The following MPPED2 variants were observed in gnomAD, a reference collection of about 807,000 sequenced individuals.
MPPED2 encodes the protein metallophosphoesterase MPPED2.
Under a neutral mutation model 33.0 loss-of-function variants are expected in MPPED2, and 5 were observed. The observed-to-expected ratio is 0.15, with a 90% CI of 0.08 to 0.32. The LOEUF (loss-of-function observed/expected upper bound fraction) is 0.32. Among genes scored for constraint, MPPED2 ranks in the 10% least tolerant of loss-of-function variants. The pLI, the probability that MPPED2 is intolerant of heterozygous loss-of-function variation, is 1.00. For missense variants in MPPED2, 275 were observed against 372.1 expected (o/e 0.74, Z 2.15); for synonymous variants, 136 against 141.9 (o/e 0.96, Z 0.29).
chr11:30,501,136 A>G (rs957897934), intron 3 of MPPED2, among the ~76,000 whole-genome samples: 2 of 152,064 alleles, frequency 1.3e-5, no homozygotes, highest in African/African-American at 4.8e-5. Flanking sequence ...AGTTTCTGAC[A>G]CTCTATATTC....
chr11:30,572,906 C>T (rs967755836), intron 2 of MPPED2, among the ~76,000 whole-genome samples: 28 of 152,106 alleles, frequency 1.8e-4, no homozygotes, highest in Admixed American at 8.5e-4. Flanking sequence ...AGGAGAAATC[C>T]CAGACTGTTA....
At chr11:30,541,995 T>C (rs1955147684) in intron 2 of MPPED2, among the ~76,000 whole-genome samples, 1 of 152,242 alleles carries the variant, frequency 6.6e-6, no homozygotes, top group South Asian at 2.1e-4. Flanking sequence ...TGTGATGTTC[T>C]ATCATCCAAC....
chr11:30,417,801 C>G lies in MPPED2; in HGVS notation c.537-168G>C, dbSNP rs180992871. Among the ~76,000 whole-genome samples, 629 of 152,264 alleles carry G rather than the reference C, an allele frequency of 4.1e-3. 7 individuals are homozygous for G. The highest frequency in any genetic ancestry group is 0.014 in the African/African-American group (598 of 41,538). ...TTTGTTGACTGCTTCAAAACCAATC[C>G]ATTTGAAAGTAAGCGTGGAGCCTAC... is the stretch of plus-strand genomic sequence containing the variant. On this transcript the variant is annotated intron_variant, in intron 4 of 6. Transcript: ENST00000358117.
chr11:30,507,397 G>A (rs1026479), intron 3 of MPPED2, among the ~76,000 whole-genome samples: 36,031 of 152,072 alleles, frequency 0.24, 4,667 homozygotes, highest in East Asian at 0.45. Context: ...AAGTGCCTAC[G>A]AAAGGGGATA....
chr11:30,493,215 C>CA (rs1952067756), intron 4 of MPPED2, among the ~76,000 whole-genome samples: 1 of 151,806 alleles, frequency 6.6e-6, no homozygotes, highest in Admixed American at 6.6e-5. Flanking sequence ...ACTAAAAATA[C>CA]AAAAAATTAG....
intron 4 of MPPED2, among the ~76,000 whole-genome samples, chr11:30,448,420 A>G (rs1026104028): frequency 6.6e-6 from 1 of 151,884 alleles, no homozygotes; most frequent in African/African-American, 2.4e-5. Context: ...TAGAAGCCTC[A>G]CTCCCTATCT....
intron 4 of MPPED2, among the ~76,000 whole-genome samples, chr11:30,480,590 A>G (rs1385414406): frequency 6.6e-6 from 1 of 152,150 alleles, no homozygotes; most frequent in East Asian, 1.9e-4. Context: ...ATCACTGATG[A>G]CAAATTTAAT....
chr11:30,421,795 AG>A (rs1948628885), intron 4 of MPPED2, among the ~76,000 whole-genome samples: 1 of 152,202 alleles, frequency 6.6e-6, no homozygotes, highest in South Asian at 2.1e-4. Context: ...TGCTCCATAC[AG>A]AATCTTAGTC....
chr11:30,507,911 T>C (rs1396421062), intron 3 of MPPED2, among the ~76,000 whole-genome samples: 2 of 152,212 alleles, frequency 1.3e-5, no homozygotes, highest in African/African-American at 2.4e-5. Flanking sequence ...AATTCCATCA[T>C]GGCCCTTGGT....
Position 30,553,697 on chromosome 11 carries a change from A to G in MPPED2, c.129-17522T>C, listed in dbSNP as rs140935770. Among the ~76,000 whole-genome samples the G allele has an allele frequency of 2.0e-5, 3 of 152,290 alleles. No homozygotes were observed. The East Asian group carries it at 5.8e-4, about 29-fold the overall frequency. On this transcript the variant is annotated intron_variant, in intron 2 of 6. Coordinates refer to ENST00000358117, the MANE Select transcript of MPPED2 (RefSeq NM_001584.3). ...TTAATGGAAAACAATGGGCTTTGTC[A>G]GGATAAGAGCTGGGCCTGAATTCTG...
exon 7 of MPPED2, chr11:30,386,915 G>C (rs998850941): frequency 2.5e-6 from 1 of 395,742 alleles, no homozygotes. Flanking sequence ...GTTGGGCATT[G>C]CACTTGCCTC....
At chr11:30,555,623 C>T (rs1457043307) in intron 2 of MPPED2, among the ~76,000 whole-genome samples, 2 of 152,132 alleles carry the variant, frequency 1.3e-5, no homozygotes, top group African/African-American at 4.8e-5. Context: ...GGGCAGACCC[C>T]CTGCACATGC....
At chr11:30,525,391 T>C (rs1590713020) in intron 3 of MPPED2, among the ~76,000 whole-genome samples, 1 of 152,200 alleles carries the variant, frequency 6.6e-6, no homozygotes, top group Non-Finnish European at 1.5e-5. Flanking sequence ...AACTTTTTTG[T>C]TTTCAAAGAG....
intron 4 of MPPED2, among the ~76,000 whole-genome samples, chr11:30,478,841 G>A (rs1357059330): frequency 1.3e-5 from 2 of 152,164 alleles, no homozygotes; most frequent in Non-Finnish European, 2.9e-5. Flanking sequence ...TTGAACGGAA[G>A]AAGGAGGAAA....
Position 30,441,016 on chromosome 11 carries a change from G to A in MPPED2, c.537-23383C>T, listed in dbSNP as rs545036347. 5.9e-5 allele frequency among the ~76,000 whole-genome samples: 9 copies of A among 152,202 alleles called. No individual in the cohort carries two copies. The South Asian group carries it at 6.2e-4, about 11-fold the overall frequency. On this transcript the variant is annotated intron_variant, in intron 4 of 6. Transcript: ENST00000358117. ...GAGCCTTTAGTACATTGACAAACTC[G>A]TGAATCTCCAAGAGGACAGAGTGAG...
intron 6 of MPPED2, among the ~76,000 whole-genome samples, chr11:30,404,888 T>C (rs777160976): frequency 7.2e-5 from 11 of 152,164 alleles, no homozygotes; most frequent in Admixed American, 2.0e-4. Context: ...ATTTGCCAAA[T>C]AGTGATTAAT....
At chr11:30,460,921 T>C (rs192783807) in intron 4 of MPPED2, among the ~76,000 whole-genome samples, 5 of 152,316 alleles carry the variant, frequency 3.3e-5, no homozygotes, top group Admixed American at 3.3e-4. Context: ...CAGGTATTTG[T>C]ACAACCACAA....
At position 30,460,023 on chromosome 11, in the gene MPPED2, T is replaced by C. The variant is rs1001921984; in HGVS notation, c.536+35273A>G. The stretch of plus-strand genomic sequence containing the variant: ...GGCCACTGTGGGAATGAGAAAGCAC[T>C]GGGAGCTTGGCCGTTACAAAGGCAC... On this transcript the variant is annotated intron_variant, in intron 4 of 6. Transcript: ENST00000358117. Among the ~76,000 whole-genome samples, 35 of 152,166 alleles carry C rather than the reference T, an allele frequency of 2.3e-4. 1 individual carries two copies. The highest frequency in any genetic ancestry group is 8.8e-5 in the Non-Finnish European group (6 of 68,042).
intron 4 of MPPED2, among the ~76,000 whole-genome samples, chr11:30,469,714 TATTATC>T (rs200792778): frequency 3.9e-4 from 60 of 152,282 alleles, no homozygotes; most frequent in African/African-American, 1.4e-3. Context: ...TGCAATGTGT[TATTATC>T]ATTATCATTA....
Sources: allele counts gnomAD v4.1 joint callset (sites outside exome capture counted in the v4.1 genomes callset), GRCh38; gene constraint gnomAD v4.1.1; transcripts MANE v1.5; gene names NCBI Gene and HGNC (gene_info 2026-07-23, HGNC 2026-07-21).